FARS2: variants seen among roughly 807,000 people sequenced by gnomAD.
FARS2 encodes phenylalanyl-tRNA synthetase 2, mitochondrial.
In FARS2, 40 loss-of-function variants were observed where a neutral mutation model predicts 46.4. That is an observed-to-expected ratio of 0.86 (90% CI 0.67 to 1.12). The LOEUF is 1.12. Ranked by LOEUF, FARS2 falls within the 50% of genes most tolerant of loss-of-function variation. The probability of loss-of-function intolerance (pLI) is 0.00; values close to 1 mark genes in which losing one functional copy is unlikely to be tolerated. For missense variants in FARS2, 513 were observed against 567.9 expected, an observed-to-expected ratio of 0.90 and a Z score of 0.98; for synonymous variants, 234 against 214.9, an observed-to-expected ratio of 1.09 and a Z score of -0.78.
intron 6 of FARS2, among the ~76,000 whole-genome samples, chr6:5,640,139 GGTGTGTGTGT>G (rs3057207): frequency 6.7e-6 from 1 of 149,788 alleles, no homozygotes; most frequent in African/African-American, 2.5e-5. Flanking sequence ...ACTTTTGTCA[GGTGTGTGTGT>G]GTGTGTGTGT....
chr6:5,399,127 T>TTTA (rs56236107), intron 2 of FARS2, among the ~76,000 whole-genome samples: 1,481 of 125,756 alleles, frequency 0.012, 11 homozygotes, highest in East Asian at 0.017. Context: ...TTTATATTAT[T>TTTA]TTATTATTAT....
At chr6:5,341,846 T>A (rs1771680390) in intron 1 of FARS2, among the ~76,000 whole-genome samples, 1 of 152,126 alleles carries the variant, frequency 6.6e-6, no homozygotes, top group Non-Finnish European at 1.5e-5. Flanking sequence ...TATATTCTGC[T>A]GCAAGCTGCT....
chr6:5,524,819 C>T (rs1561684282), intron 4 of FARS2, among the ~76,000 whole-genome samples: 2 of 152,270 alleles, frequency 1.3e-5, no homozygotes, highest in East Asian at 1.9e-4. Flanking sequence ...TCTACTCTTT[C>T]GATAGGTGAA....
intron 6 of FARS2, among the ~76,000 whole-genome samples, chr6:5,617,152 TA>T (rs1481631009): frequency 2.0e-5 from 3 of 151,784 alleles, no homozygotes; most frequent in South Asian, 2.1e-4. Context: ...AATATTTTTC[TA>T]AAAAAAATAG....
intron 6 of FARS2, among the ~76,000 whole-genome samples, chr6:5,679,187 A>C (rs1164632781): frequency 6.6e-6 from 1 of 152,182 alleles, no homozygotes; most frequent in Non-Finnish European, 1.5e-5. Context: ...TGACAAAGCA[A>C]ACCTCTCAGT....
At chr6:5,761,442 C>T (rs1437605140) in intron 6 of FARS2, among the ~76,000 whole-genome samples, 3 of 152,204 alleles carry the variant, frequency 2.0e-5, no homozygotes, top group African/African-American at 4.8e-5. Context: ...CACCTCAGCA[C>T]AGAACAAATA....
intron 3 of FARS2, among the ~76,000 whole-genome samples, chr6:5,407,302 T>C (rs879311566): frequency 6.6e-6 from 1 of 151,962 alleles, no homozygotes; most frequent in Non-Finnish European, 1.5e-5. Flanking sequence ...CCTCTATTTT[T>C]TCATACTCCA....
chr6:5,541,775 G>C (rs1389218059), intron 4 of FARS2, among the ~76,000 whole-genome samples: 1 of 152,070 alleles, frequency 6.6e-6, no homozygotes, highest in Non-Finnish European at 1.5e-5. Context: ...ACAAAAGAAT[G>C]GCTACTCCAT....
At chr6:5,418,693 T>C (rs1549362) in intron 3 of FARS2, among the ~76,000 whole-genome samples, 5,828 of 152,184 alleles carry the variant, frequency 0.038, 381 homozygotes, top group African/African-American at 0.13. Context: ...TTCTCTCCTT[T>C]ACTCTGCCCT....
intron 5 of FARS2, among the ~76,000 whole-genome samples, chr6:5,552,683 G>T (rs952106050): frequency 6.6e-6 from 1 of 152,146 alleles, no homozygotes; most frequent in Non-Finnish European, 1.5e-5. Context: ...TTTAATTTTT[G>T]ATTTTCATTT....
At chr6:5,474,335 A>G (rs1765984977) in intron 4 of FARS2, among the ~76,000 whole-genome samples, 1 of 152,178 alleles carries the variant, frequency 6.6e-6, no homozygotes, top group African/African-American at 2.4e-5. Flanking sequence ...GGTGGGACAC[A>G]GGGAGACTCA....
chr6:5,382,857 G>A (rs767550780), intron 2 of FARS2, among the ~76,000 whole-genome samples: 2 of 152,212 alleles, frequency 1.3e-5, no homozygotes, highest in Non-Finnish European at 2.9e-5. Context: ...AAGAGCCAAT[G>A]GAGTCCAAGT....
intron 5 of FARS2, among the ~76,000 whole-genome samples, chr6:5,546,317 C>T (rs562998912): frequency 1.4e-5 from 2 of 139,300 alleles, no homozygotes; most frequent in South Asian, 4.5e-4. Flanking sequence ...AGTGCGCGAT[C>T]TTGGCTCACT....
intron 3 of FARS2, among the ~76,000 whole-genome samples, chr6:5,405,830 G>A (rs1182505268): frequency 6.6e-6 from 1 of 152,050 alleles, no homozygotes; most frequent in Non-Finnish European, 1.5e-5. Flanking sequence ...ATGAACCAGT[G>A]GAAAACTTTA....
intron 6 of FARS2, among the ~76,000 whole-genome samples, chr6:5,625,910 G>A (rs1776009757): frequency 6.6e-6 from 1 of 152,206 alleles, no homozygotes; most frequent in African/African-American, 2.4e-5. Context: ...TGGTGGGGAT[G>A]GTTAAGTTAG....
intron 1 of FARS2, among the ~76,000 whole-genome samples, chr6:5,302,554 C>T (rs1156614434): frequency 6.6e-6 from 1 of 152,218 alleles, no homozygotes; most frequent in Non-Finnish European, 1.5e-5. Flanking sequence ...ATCCTCTCCT[C>T]AATCTTAGGA....
chr6:5,489,327 G>A (rs1029394577), intron 4 of FARS2, among the ~76,000 whole-genome samples: 18 of 152,196 alleles, frequency 1.2e-4, no homozygotes, highest in African/African-American at 3.6e-4. Context: ...GATGGTGCAC[G>A]CCTGTAGGCC....
intron 4 of FARS2, among the ~76,000 whole-genome samples, chr6:5,519,826 T>G (rs1769022852): frequency 6.6e-6 from 1 of 152,226 alleles, no homozygotes; most frequent in Non-Finnish European, 1.5e-5. Flanking sequence ...CTGGATGGCT[T>G]GCGGTGTGAT....
At chr6:5,447,570 T>C (rs1207166793) in intron 4 of FARS2, among the ~76,000 whole-genome samples, 1 of 152,128 alleles carries the variant, frequency 6.6e-6, no homozygotes, top group Non-Finnish European at 1.5e-5. Context: ...AACTGTTAGG[T>C]GAAGGCTTTT....
Sources: gnomAD v4.1 joint callset for allele counts (sites outside exome capture counted in the v4.1 genomes callset) on GRCh38, gnomAD v4.1.1 for gene constraint, MANE v1.5 for transcripts, NCBI Gene and HGNC (gene_info 2026-07-23, HGNC 2026-07-21) for gene names.